CDH18: variants seen among roughly 807,000 people sequenced by gnomAD.
CDH18 encodes cadherin-18.
A neutral mutation model predicts 67.9 loss-of-function variants in CDH18; 31 were observed. The observed-to-expected ratio is 0.46, with a 90% CI of 0.34 to 0.62. The LOEUF (loss-of-function observed/expected upper bound fraction) is 0.62, where lower values mean the gene tolerates loss of function less well. Ranked by LOEUF, CDH18 falls within the 20% of genes least tolerant of loss-of-function variation. The pLI is 0.01. For synonymous variants in CDH18, 362 were observed against 347.2 expected, an observed-to-expected ratio of 1.04 and a Z score of -0.48; for missense variants, 890 against 975.5, an observed-to-expected ratio of 0.91 and a Z score of 1.17.
At chr5:19,797,843 T>C (rs941103602) in intron 3 of CDH18, among the ~76,000 whole-genome samples, 17 of 152,056 alleles carry the variant, frequency 1.1e-4, no homozygotes, top group Admixed American at 9.2e-4. Context: ...AAAAATTCTA[T>C]GGAAAGACAC....
chr5:19,783,926 C>T (rs1215647125), intron 3 of CDH18, among the ~76,000 whole-genome samples: 1 of 152,114 alleles, frequency 6.6e-6, no homozygotes, highest in African/African-American at 2.4e-5. Flanking sequence ...TACTGAATGC[C>T]TACTCTGTAC....
chr5:19,841,524 AAAC>A (rs1180364225), intron 2 of CDH18, among the ~76,000 whole-genome samples: 2 of 151,550 alleles, frequency 1.3e-5, no homozygotes, highest in African/African-American at 4.8e-5. Flanking sequence ...AATTTATATT[AAAC>A]TTTTTATTTC....
chr5:19,858,469 G>T (rs1001272526), intron 2 of CDH18, among the ~76,000 whole-genome samples: 1 of 152,138 alleles, frequency 6.6e-6, no homozygotes, highest in Middle Eastern at 3.2e-3. Context: ...GTTGTGGCTT[G>T]ATAGCGCCAA....
chr5:20,174,371 C>T (rs1425205980), intron 2 of CDH18, among the ~76,000 whole-genome samples: 1 of 152,148 alleles, frequency 6.6e-6, no homozygotes, highest in Admixed American at 6.6e-5. Flanking sequence ...AAACTCAATT[C>T]AGCGTAATAC....
At chr5:20,540,261 G>A (rs190725684) in intron 1 of CDH18, among the ~76,000 whole-genome samples, 63 of 152,068 alleles carry the variant, frequency 4.1e-4, no homozygotes, top group African/African-American at 9.9e-4. Flanking sequence ...TAGTAATATC[G>A]AACAGACTTA....
chr5:20,185,877 C>T (rs918973110), intron 2 of CDH18, among the ~76,000 whole-genome samples: 18 of 151,118 alleles, frequency 1.2e-4, no homozygotes, highest in Non-Finnish European at 1.8e-4. Context: ...TTTTTTTTCC[C>T]GTGTGATGCA....
chr5:20,402,581 TTTAAA>T (rs1329187614), intron 1 of CDH18, among the ~76,000 whole-genome samples: 5 of 152,214 alleles, frequency 3.3e-5, no homozygotes, highest in African/African-American at 1.2e-4. Context: ...AAAAGCTATC[TTTAAA>T]TTATAGTCTC....
At chr5:19,524,245 C>A (rs1013419652) in intron 9 of CDH18, among the ~76,000 whole-genome samples, 41 of 150,352 alleles carry the variant, frequency 2.7e-4, no homozygotes, top group African/African-American at 9.5e-4. Flanking sequence ...TTTATATTGG[C>A]ATAGTTAATA....
chr5:20,310,841 A>G (rs1465918527), intron 1 of CDH18, among the ~76,000 whole-genome samples: 2 of 152,166 alleles, frequency 1.3e-5, no homozygotes, highest in African/African-American at 2.4e-5. Flanking sequence ...TGCAACACCA[A>G]CTGCAATCTG....
At chr5:19,549,277 G>A (rs1454474370) in intron 8 of CDH18, among the ~76,000 whole-genome samples, 1 of 151,988 alleles carries the variant, frequency 6.6e-6, no homozygotes, top group Non-Finnish European at 1.5e-5. Context: ...TTGCTTAAAA[G>A]CCTGGGACTT....
At chr5:20,006,705 A>G (rs551424318) in intron 2 of CDH18, among the ~76,000 whole-genome samples, 1 of 152,004 alleles carries the variant, frequency 6.6e-6, no homozygotes, top group Non-Finnish European at 1.5e-5. Context: ...ATAAAGATAT[A>G]ATGTTGTTTT....
At chr5:19,952,342 C>G (rs1309398322) in intron 2 of CDH18, among the ~76,000 whole-genome samples, 1 of 152,126 alleles carries the variant, frequency 6.6e-6, no homozygotes, top group Non-Finnish European at 1.5e-5. Context: ...AACCACTGCA[C>G]CCAGCCTATA....
At chr5:20,351,540 C>A (rs2150057913) in intron 1 of CDH18, among the ~76,000 whole-genome samples, 1 of 151,544 alleles carries the variant, frequency 6.6e-6, no homozygotes, top group East Asian at 1.9e-4. Flanking sequence ...GTATTGTAAA[C>A]TTTAAGAGAC....
chr5:19,697,753 TAATGACACCTATGCCATTA>T (rs1403544846), intron 5 of CDH18, among the ~76,000 whole-genome samples: 1 of 152,194 alleles, frequency 6.6e-6, no homozygotes, highest in Non-Finnish European at 1.5e-5. Flanking sequence ...CCTTTCATCT[TAATGACACCTATGCCATTA>T]AGAGTGGCCA....
At chr5:20,551,769 A>C (rs1757646365) in intron 1 of CDH18, among the ~76,000 whole-genome samples, 1 of 152,150 alleles carries the variant, frequency 6.6e-6, no homozygotes, top group Non-Finnish European at 1.5e-5. Context: ...ACTTGTTTTC[A>C]CTTACTAATT....
At chr5:20,114,290 T>TA (rs1416540702) in intron 2 of CDH18, among the ~76,000 whole-genome samples, 2 of 152,214 alleles carry the variant, frequency 1.3e-5, no homozygotes, top group Admixed American at 1.3e-4. Flanking sequence ...AGTCGTGTGC[T>TA]AGAGTTTATA....
chr5:20,337,484 C>T (rs1365430405), intron 1 of CDH18, among the ~76,000 whole-genome samples: 1 of 152,076 alleles, frequency 6.6e-6, no homozygotes, highest in African/African-American at 2.4e-5. Flanking sequence ...TTCAAAGTTC[C>T]ACAAATCTCT....
At chr5:19,529,524 C>A (rs1748265423) in intron 9 of CDH18, among the ~76,000 whole-genome samples, 1 of 151,728 alleles carries the variant, frequency 6.6e-6, no homozygotes, top group African/African-American at 2.4e-5. Flanking sequence ...GCAAAATAAA[C>A]AAATTTATTA....
intron 5 of CDH18, among the ~76,000 whole-genome samples, chr5:19,622,355 T>C: frequency 6.6e-6 from 1 of 152,214 alleles, no homozygotes; most frequent in East Asian, 1.9e-4. Context: ...CAAGTGGCCA[T>C]TAGCCCTTAG....
Sources: allele counts gnomAD v4.1 joint callset (sites outside exome capture counted in the v4.1 genomes callset), GRCh38; gene constraint gnomAD v4.1.1; transcripts MANE v1.5; gene names NCBI Gene and HGNC (gene_info 2026-07-23, HGNC 2026-07-21).